The following CERS6 variants were observed in gnomAD, a reference collection of about 807,000 sequenced individuals.
CERS6 encodes the protein ceramide synthase 6, also known as LAG1 homolog, ceramide synthase 6.
Under a neutral mutation model 56.8 loss-of-function variants are expected in CERS6, and 26 were observed. The observed-to-expected ratio is 0.46, with a 90% CI of 0.34 to 0.63. The LOEUF (loss-of-function observed/expected upper bound fraction) is 0.63, where lower values mean the gene tolerates loss of function less well. CERS6 is among the 30% of genes least tolerant of loss of function. The pLI is 0.01. For synonymous variants in CERS6, 164 were observed against 173.3 expected, an observed-to-expected ratio of 0.95 and a Z score of 0.42; for missense variants, 415 against 467.5, an observed-to-expected ratio of 0.89 and a Z score of 1.04.
chr2:168,486,347 T>A (rs1318624055), intron 1 of CERS6, among the ~76,000 whole-genome samples: 1 of 152,120 alleles, frequency 6.6e-6, no homozygotes, highest in Admixed American at 6.5e-5. Context: ...AGCTTACTGA[T>A]TTTTTTCTTT....
Position 168,645,116 on chromosome 2 carries a change from A to ATATATAT in CERS6, c.465+14074_465+14075insTATATAT, listed in dbSNP as rs1193983720. ...AAAAAAAAAAAAAAAAAAAAAAAAA[A>ATATATAT]ATATATATATATATATATATATATA... On this transcript the variant is annotated intron_variant, in intron 4 of 9. Transcript: ENST00000305747. Among the ~76,000 whole-genome samples the ATATATAT allele has an allele frequency of 2.1e-3, 40 of 19,018 alleles. 5 individuals are homozygous for ATATATAT. The highest frequency in any genetic ancestry group is 3.0e-3 in the East Asian group (1 of 338). The allele number at this position is 19,018 out of a possible 152,430, so 12.5% of individuals were successfully genotyped here.
intron 3 of CERS6, among the ~76,000 whole-genome samples, chr2:168,574,720 A>AG (rs35531145): frequency 0.012 from 1,840 of 151,314 alleles, 8 homozygotes; most frequent in Non-Finnish European, 0.02. Context: ...GGGCTGCCAA[A>AG]TGAATTGAAT....
In CERS6 at chr2:168,708,607, C is replaced by T. The variant is rs1243727317; in HGVS notation, c.610-6394C>T. 2.6e-5 allele frequency among the ~76,000 whole-genome samples: 4 copies of T among 152,182 alleles called. No individual in the cohort carries two copies. The South Asian group carries it at 8.3e-4, about 32-fold the overall frequency. On this transcript the variant is annotated intron_variant, in intron 6 of 9. Transcript: ENST00000305747. Reference sequence around the variant, plus strand: ...TAAACCTGGTGCTATTACCTGACTTCTATTCATATTAGTTAGATTACAGAC... The same window carrying T: ...TAAACCTGGTGCTATTACCTGACTTTTATTCATATTAGTTAGATTACAGAC...
intron 1 of CERS6, among the ~76,000 whole-genome samples, chr2:168,511,847 G>A (rs1303237879): frequency 1.3e-5 from 2 of 152,016 alleles, no homozygotes; most frequent in Non-Finnish European, 2.9e-5. Flanking sequence ...TTAAGATAAA[G>A]GATTCACAAT....
intron 6 of CERS6, among the ~76,000 whole-genome samples, chr2:168,702,829 G>T (rs1030569112): frequency 1.3e-5 from 2 of 152,200 alleles, no homozygotes; most frequent in African/African-American, 4.8e-5. Flanking sequence ...CTATCTGAAA[G>T]TACTATTAAG....
At chr2:168,589,736 T>C (rs906592485) in intron 3 of CERS6, among the ~76,000 whole-genome samples, 1 of 152,252 alleles carries the variant, frequency 6.6e-6, no homozygotes, top group East Asian at 1.9e-4. Context: ...TCTAGTCCAC[T>C]ACATATAGAT....
intron 1 of CERS6, among the ~76,000 whole-genome samples, chr2:168,514,663 C>G (rs1344102038): frequency 2.0e-5 from 3 of 152,170 alleles, no homozygotes; most frequent in Non-Finnish European, 4.4e-5. Flanking sequence ...ACCTGCCTCC[C>G]TTGGGTTAGA....
intron 4 of CERS6, among the ~76,000 whole-genome samples, chr2:168,645,142 T>TATATAAAGAG: frequency 7.8e-5 from 1 of 12,744 alleles, no homozygotes; most frequent in Non-Finnish European, 1.5e-4. Flanking sequence ...TATATATATA[T>TATATAAAGAG]AGAGAGAGAG....
Position 168,483,283 on chromosome 2 carries a change from A to AT in CERS6, c.170+26677dup, listed in dbSNP as rs199864964. The stretch of plus-strand genomic sequence containing the variant: ...ATAACTCGTCCACGATTACATAGCT[A>AT]TTTTTTTTTTTTCTGAAGACGCTTA... On this transcript the variant is annotated intron_variant, in intron 1 of 9. Transcript: ENST00000305747. 7.2e-3 allele frequency among the ~76,000 whole-genome samples: 1,057 copies of AT among 146,216 alleles called. 9 individuals are homozygous for AT. The highest frequency in any genetic ancestry group is 0.021 in the African/African-American group (828 of 39,708).
In CERS6 at chr2:168,499,714, G is replaced by T. The variant is rs542048058; in HGVS notation, c.170+43096G>T. Among the ~76,000 whole-genome samples the T allele has an allele frequency of 3.9e-5, 6 of 152,060 alleles. No individual in the cohort carries two copies. In the South Asian group the frequency reaches 1.2e-3, roughly 32 times the overall value. ...AAAACCACTTGAGTTAAATTTCTTGGCTCAATTTTTGTGGTGCTGCAATAC... is the reference window on the plus strand; with the variant it reads ...AAAACCACTTGAGTTAAATTTCTTGTCTCAATTTTTGTGGTGCTGCAATAC... On this transcript the variant is annotated intron_variant, in intron 1 of 9. Transcript: ENST00000305747.
intron 6 of CERS6, among the ~76,000 whole-genome samples, chr2:168,698,365 C>T (rs1686720229): frequency 6.6e-6 from 1 of 151,034 alleles, no homozygotes; most frequent in Non-Finnish European, 1.5e-5. Flanking sequence ...AAGCATGATA[C>T]TGGGATCTGC....
At chr2:168,738,851 G>A (rs550465439) in intron 8 of CERS6, among the ~76,000 whole-genome samples, 1 of 152,158 alleles carries the variant, frequency 6.6e-6, no homozygotes, top group East Asian at 1.9e-4. Flanking sequence ...GTAAACAGCA[G>A]TAGAAAATTT....
At chr2:168,730,209 T>A (rs1683483718) in intron 8 of CERS6, among the ~76,000 whole-genome samples, 1 of 152,216 alleles carries the variant, frequency 6.6e-6, no homozygotes, top group African/African-American at 2.4e-5. Context: ...GAAACAGTAC[T>A]GCCTTTAGTA....
chr2:168,691,570 A>G (rs890505096), intron 5 of CERS6, among the ~76,000 whole-genome samples: 3 of 152,224 alleles, frequency 2.0e-5, no homozygotes, highest in African/African-American at 7.2e-5. Flanking sequence ...ATGGGCTTGT[A>G]CTATGACATG....
chr2:168,517,064 A>C (rs765427789), intron 1 of CERS6, among the ~76,000 whole-genome samples: 1 of 152,064 alleles, frequency 6.6e-6, no homozygotes, highest in Admixed American at 6.6e-5. Flanking sequence ...TGTAGAAAAG[A>C]GGAACACCTG....
At chr2:168,596,844 T>C (rs1018963464) in intron 3 of CERS6, among the ~76,000 whole-genome samples, 6 of 152,190 alleles carry the variant, frequency 3.9e-5, no homozygotes, top group Non-Finnish European at 5.9e-5. Context: ...CATCCCTTTG[T>C]TGATGCACAA....
At chr2:168,622,541 C>G (rs1454280752) in intron 3 of CERS6, among the ~76,000 whole-genome samples, 1 of 152,158 alleles carries the variant, frequency 6.6e-6, no homozygotes, top group African/African-American at 2.4e-5. Flanking sequence ...ATCAGACTTT[C>G]CATAACTGCC....
At chr2:168,684,555 CA>C (rs1686298699) in intron 4 of CERS6, among the ~76,000 whole-genome samples, 1 of 152,088 alleles carries the variant, frequency 6.6e-6, no homozygotes, top group African/African-American at 2.4e-5. Context: ...ATTAATAACA[CA>C]GTTTCTTAAA....
At chr2:168,553,404 C>G (rs929118580) in intron 2 of CERS6, among the ~76,000 whole-genome samples, 1 of 152,090 alleles carries the variant, frequency 6.6e-6, no homozygotes, top group Admixed American at 6.6e-5. Flanking sequence ...AAGTTCAACA[C>G]TAAAACTTAA....
Sources: gnomAD v4.1 joint callset for allele counts (sites outside exome capture counted in the v4.1 genomes callset) on GRCh38, gnomAD v4.1.1 for gene constraint, MANE v1.5 for transcripts, NCBI Gene and HGNC (gene_info 2026-07-23, HGNC 2026-07-21) for gene names.